Variants in CSNK1D observed in about 807,000 individuals in gnomAD.
The protein encoded by CSNK1D is casein kinase I isoform delta.
Under a neutral mutation model 46.6 loss-of-function variants are expected in CSNK1D, and 16 were observed. The ratio of observed to expected loss-of-function variants is 0.34; its 90% CI spans 0.23 to 0.52. The LOEUF is 0.52. CSNK1D is among the 20% of genes least tolerant of loss of function. CSNK1D has a pLI of 0.95. For missense variants in CSNK1D, 398 were observed against 578.4 expected (o/e 0.69, Z 3.20); for synonymous variants, 276 against 228.2 (o/e 1.21, Z -1.89).
In CSNK1D at chr17:82,273,446, G is replaced by A. The variant is rs1052603460; in HGVS notation, c.-65C>T. The A allele has an allele frequency of 1.9e-6, 3 of 1,585,098 alleles. No homozygotes were observed. Among genetic ancestry groups the A allele is most frequent in the African/African-American group, 1.4e-5 (1 of 73,648 alleles). On this transcript the variant is annotated 5_prime_UTR_variant, in exon 1 of 9. Coordinates refer to ENST00000314028, the MANE Select transcript of CSNK1D (RefSeq NM_001893.6). This position sits in a 1 kb window ranked among gnomAD's most constrained non-coding sequence, Gnocchi z 5.1. ...TTCCTGGGTCTGAACTCTGGGAGGC[G>A]GCGCCGCTGCTGCCGCTACTGCGGG...
intron 1 of CSNK1D, among the ~76,000 whole-genome samples, chr17:82,270,029 G>A (rs925550786): frequency 6.6e-6 from 1 of 152,264 alleles, no homozygotes; most frequent in Non-Finnish European, 1.5e-5. Flanking sequence ...ACAACAGGCT[G>A]CCAAGGTGTG....
intron 8 of CSNK1D, chr17:82,246,947 AGCTGCTGCTCACAGCCACCACGTGT>A (rs1258803824): frequency 4.1e-6 from 4 of 985,378 alleles, no homozygotes; most frequent in Non-Finnish European, 4.8e-6. Context: ...TCAAAACGGG[AGCTGCTGCTCACAGCCACCACGTGT>A]GCTGGTGCTG....
At chr17:82,270,629 T>A (rs757105502) in intron 1 of CSNK1D, among the ~76,000 whole-genome samples, 1 of 152,176 alleles carries the variant, frequency 6.6e-6, no homozygotes, top group African/African-American at 2.4e-5. Flanking sequence ...CTAACTGCCA[T>A]TCTGCTCAGA....
Position 82,248,738 on chromosome 17 carries a change from C to T in CSNK1D, c.1197+137G>A, listed in dbSNP as rs1375162990. On this transcript the variant is annotated intron_variant, in intron 8 of 8. Coordinates refer to ENST00000314028, the MANE Select transcript of CSNK1D (RefSeq NM_001893.6). This position sits in a 1 kb window ranked among gnomAD's most constrained non-coding sequence, Gnocchi z 4.1. ...GAAGCCTCATCTGCAACCAAGACGC[C>T]ACACCCTGGCGAGATTAAAAACTCT... 6.7e-7 allele frequency: 1 copy of T among 1,492,276 alleles called. No homozygotes were observed. The highest frequency in any genetic ancestry group is 8.9e-7 in the Non-Finnish European group (1 of 1,122,578). 92.4% of individuals were successfully genotyped at this position (1,492,276 alleles called of 1,614,324 possible).
Position 82,249,908 on chromosome 17 carries a change from G to A in CSNK1D, c.886-306C>T. ...GGCAGCAGCTACCCCCTGCTGCTCT[G>A]TGAACATGCTCACTAACACGTGCAG... On this transcript the variant is annotated intron_variant, in intron 6 of 8. Coordinates refer to ENST00000314028, the MANE Select transcript of CSNK1D (RefSeq NM_001893.6). The surrounding 1 kb of genome is among the most constrained non-coding windows in gnomAD (Gnocchi z 6.7). 4 of 1,349,666 alleles carry A rather than the reference G, an allele frequency of 3.0e-6. No individual in the cohort carries two copies. Among genetic ancestry groups the A allele is most frequent in the Non-Finnish European group, 3.8e-6 (4 of 1,044,662 alleles). The allele number at this position is 1,349,666 out of a possible 1,614,324, so 83.6% of individuals were successfully genotyped here. A position where few individuals can be genotyped will look rare whatever the true frequency, so the allele number is the denominator to read the frequency against.
In CSNK1D at chr17:82,249,828, C is replaced by A; in HGVS notation, c.886-226G>T. ...CAGCTCCCCCAACAATCGAAAAAAC[C>A]CCACTCGCCATGGCATCTCCCTGTG... On this transcript the variant is annotated intron_variant, in intron 6 of 8. Transcript: ENST00000314028. The surrounding 1 kb of genome is among the most constrained non-coding windows in gnomAD (Gnocchi z 6.7). 7.0e-7 allele frequency: 1 copy of A among 1,432,202 alleles called. No individual in the cohort carries two copies. The highest frequency in any genetic ancestry group is 1.5e-5 in the South Asian group (1 of 67,102). The allele number at this position is 1,432,202 out of a possible 1,614,324, so 88.7% of individuals were successfully genotyped here.
At chr17:82,273,709 T>G, upstream of CSNK1D, 53 of 448,576 alleles carry the variant, frequency 1.2e-4, no homozygotes, top group East Asian at 2.8e-4. The surrounding 1 kb of genome is among the most constrained non-coding windows in gnomAD (Gnocchi z 5.1). Context: ...GTGACGTCAC[T>G]TCCCCTAGCA....
At position 82,265,780 on chromosome 17, in the gene CSNK1D, T is replaced by C. The variant is rs749328079; in HGVS notation, c.93A>G (p.Ala31=). ...GDIYLGTDIA[A]GEEVAIKLEC... ...CAAGCTTGATGGCAACCTCTTCTCC[T>C]GCAGCAATGTCCGTACCTTGGCAAA... The change falls in exon 2 of 9, where the codon GCA becomes GCG. Residue 31 remains alanine (A), a synonymous_variant. Transcript: ENST00000314028. 6.2e-7 allele frequency: 1 copy of C among 1,614,076 alleles called. No homozygotes were observed. Among genetic ancestry groups the C allele is most frequent in the Non-Finnish European group, 8.5e-7 (1 of 1,179,948 alleles).
chr17:82,250,049 G>A lies in CSNK1D; in HGVS notation c.886-447C>T. On this transcript the variant is annotated intron_variant, in intron 6 of 8. Transcript: ENST00000314028. This position sits in a 1 kb window ranked among gnomAD's most constrained non-coding sequence, Gnocchi z 4.6. ...TTGGTCGGACGAGGAGTACACTCAG[G>A]GTCCGGACCCTGCAGCCTCCAACAG... The A allele has an allele frequency of 7.8e-7, 1 of 1,274,988 alleles. No homozygotes were observed. The highest frequency in any genetic ancestry group is 1.3e-5 in the South Asian group (1 of 79,318). 79.0% of individuals were successfully genotyped at this position (1,274,988 alleles called of 1,614,324 possible).
chr17:82,239,935 G>T, downstream of CSNK1D: 1 of 1,159,980 alleles, frequency 8.6e-7, no homozygotes, highest in Non-Finnish European at 1.1e-6. Context: ...GCCAGCAGTG[G>T]CCTGCGTGGC....
chr17:82,267,295 G>A (rs1468363466), intron 1 of CSNK1D, among the ~76,000 whole-genome samples: 5 of 152,112 alleles, frequency 3.3e-5, no homozygotes, highest in African/African-American at 9.7e-5. Flanking sequence ...GAGATGAATG[G>A]GTTAACAGTT....
intron 1 of CSNK1D, among the ~76,000 whole-genome samples, chr17:82,271,384 T>G (rs2051619247): frequency 6.6e-6 from 1 of 152,220 alleles, no homozygotes; most frequent in Non-Finnish European, 1.5e-5. Flanking sequence ...ATACTCCTTT[T>G]TGATGCCTGC....
chr17:82,273,528 G>C lies in CSNK1D; in HGVS notation c.-147C>G. The C allele has an allele frequency of 1.0e-6, 1 of 969,730 alleles. No individual in the cohort carries two copies. Among genetic ancestry groups the C allele is most frequent in the Non-Finnish European group, 1.5e-6 (1 of 653,772 alleles). 60.1% of individuals were successfully genotyped at this position (969,730 alleles called of 1,614,324 possible). On this transcript the variant is annotated 5_prime_UTR_variant, in exon 1 of 9. Coordinates refer to ENST00000314028, the MANE Select transcript of CSNK1D (RefSeq NM_001893.6). This position sits in a 1 kb window ranked among gnomAD's most constrained non-coding sequence, Gnocchi z 5.1. ...CCGCTTTCACCATCGCTTTCCTGTC[G>C]CCCCGCCGCTCCCAGCGCCTCAATA... is the stretch of plus-strand genomic sequence containing the variant.
chr17:82,265,157 A>C (rs2051435794), intron 2 of CSNK1D: 1 of 190,696 alleles, frequency 5.2e-6, no homozygotes, highest in Admixed American at 5.4e-5. Flanking sequence ...AAATTTAAAC[A>C]AAAGGACAAG....
At chr17:82,262,493 A>T (rs2051364675) in intron 2 of CSNK1D, among the ~76,000 whole-genome samples, 1 of 152,242 alleles carries the variant, frequency 6.6e-6, no homozygotes, top group Non-Finnish European at 1.5e-5. Flanking sequence ...CCTGGAAGGC[A>T]GCATCCATCA....
At chr17:82,245,077 G>A (rs908440995) in intron 8 of CSNK1D, 18 of 614,182 alleles carry the variant, frequency 2.9e-5, no homozygotes, top group Middle Eastern at 4.3e-4. Context: ...AGCCGGGCTC[G>A]GCAGGGTCGA....
chr17:82,259,203 C>T (rs1464222220), intron 2 of CSNK1D, among the ~76,000 whole-genome samples: 1 of 152,184 alleles, frequency 6.6e-6, no homozygotes, highest in African/African-American at 2.4e-5. Context: ...ACCCCAGATA[C>T]CTTTTTGCTA....
At chr17:82,244,934 C>A in intron 8 of CSNK1D, 103 bp from the exon 9 acceptor site, 1 of 1,476,508 alleles carries the variant, frequency 6.8e-7, no homozygotes, top group Non-Finnish European at 9.4e-7. Context: ...CGCACCGCCA[C>A]CGCCTAGCCC....
At position 82,250,579 on chromosome 17, in the gene CSNK1D, C is replaced by T. The variant is rs1599585041; in HGVS notation, c.885+800G>A. 1.4e-5 allele frequency: 3 copies of T among 218,934 alleles called. No individual in the cohort carries two copies. In the East Asian group the frequency reaches 4.0e-4, roughly 29 times the overall value. The allele number at this position is 218,934 out of a possible 1,614,324, so 13.6% of individuals were successfully genotyped here. A position where few individuals can be genotyped will look rare whatever the true frequency, so the allele number is the denominator to read the frequency against. On this transcript the variant is annotated intron_variant, in intron 6 of 8. Transcript: ENST00000314028. The surrounding 1 kb of genome is among the most constrained non-coding windows in gnomAD (Gnocchi z 4.6). Reference sequence around the variant, plus strand: ...CATCTCTCCGGGGCCTCCAAGTACTCCCCACGCTGATGGGCACTTGGCAAG... The same window carrying T: ...CATCTCTCCGGGGCCTCCAAGTACTTCCCACGCTGATGGGCACTTGGCAAG...
Sources: gnomAD v4.1 joint callset for allele counts (sites outside exome capture counted in the v4.1 genomes callset) on GRCh38, gnomAD v4.1.1 for gene constraint, Gnocchi (gnomAD v3.1) non-coding constraint, MANE v1.5 for transcripts, NCBI Gene and HGNC (gene_info 2026-07-23, HGNC 2026-07-21) for gene names.